Variants in SIK3 observed in about 807,000 individuals in gnomAD.
The protein encoded by SIK3 is SIK family kinase 3, also known as serine/threonine-protein kinase SIK3.
Under a neutral mutation model 144.2 loss-of-function variants are expected in SIK3, and 28 were observed. The observed-to-expected ratio is 0.19, with a 90% CI of 0.14 to 0.27. The LOEUF (loss-of-function observed/expected upper bound fraction) is 0.27, where lower values mean the gene tolerates loss of function less well. Ranked by LOEUF, SIK3 falls within the 10% of genes least tolerant of loss-of-function variation. The probability of loss-of-function intolerance (pLI) is 1.00; values close to 1 mark genes in which losing one functional copy is unlikely to be tolerated. For missense variants in SIK3, 1,319 were observed against 1,776.0 expected (o/e 0.74, Z 4.62); for synonymous variants, 686 against 676.3 (o/e 1.01, Z -0.22).
intron 1 of SIK3, among the ~76,000 whole-genome samples, chr11:116,960,534 CAAAACAAAACAAAA>C (rs1479377051): frequency 6.6e-6 from 1 of 151,920 alleles, no homozygotes; most frequent in African/African-American, 2.4e-5. Context: ...AACAAAAAAA[CAAAACAAAACAAAA>C]AAACCAAAGT....
intron 4 of SIK3, among the ~76,000 whole-genome samples, chr11:116,918,954 A>G (rs1403205774): frequency 6.6e-6 from 1 of 152,206 alleles, no homozygotes; most frequent in African/African-American, 2.4e-5. Context: ...ATTTCAGGGC[A>G]AGAACACAGG....
rs117459305 is a variant in SIK3, at chr11:116,929,357, A to C, written c.455-1977T>G. Among the ~76,000 whole-genome samples the C allele has an allele frequency of 5.7e-3, 864 of 152,332 alleles. 15 individuals carry two copies. The highest frequency in any genetic ancestry group is 0.051 in the East Asian group (263 of 5,190). On this transcript the variant is annotated intron_variant, in intron 3 of 24. Coordinates refer to ENST00000445177, the MANE Select transcript of SIK3 (RefSeq NM_001366686.3). Reference sequence around the variant, plus strand: ...AGCTCATTTGGCCAAGCTACCCATTAATTAAAATGCCCAAGAGACATTTGT... The same window carrying C: ...AGCTCATTTGGCCAAGCTACCCATTCATTAAAATGCCCAAGAGACATTTGT...
chr11:116,902,326 T>C (rs1470829219), intron 4 of SIK3, among the ~76,000 whole-genome samples: 1 of 152,226 alleles, frequency 6.6e-6, no homozygotes, highest in Non-Finnish European at 1.5e-5. Context: ...GCATGTTACT[T>C]TGCCAGGGAG....
intron 10 of SIK3, 36 bp from the exon 11 acceptor site, chr11:116,875,303 AGAAG>A (rs1944189552): frequency 6.2e-7 from 1 of 1,613,254 alleles, no homozygotes; most frequent in Non-Finnish European, 8.5e-7. Flanking sequence ...GTTAGAAATC[AGAAG>A]GAAGGGAAGC....
intron 1 of SIK3, among the ~76,000 whole-genome samples, chr11:116,974,937 AGTTT>A (rs766288300): frequency 6.6e-6 from 1 of 152,182 alleles, no homozygotes; most frequent in Non-Finnish European, 1.5e-5. Flanking sequence ...ACTTAGCCTA[AGTTT>A]TCTGGTAAAA....
intron 1 of SIK3, among the ~76,000 whole-genome samples, chr11:117,007,067 AAC>A (rs1168227692): frequency 6.6e-6 from 1 of 152,220 alleles, no homozygotes; most frequent in Non-Finnish European, 1.5e-5. Flanking sequence ...TGCTTACAGC[AAC>A]AGTTTTATAT....
chr11:116,965,775 AT>A (rs1429181649), intron 1 of SIK3, among the ~76,000 whole-genome samples: 35 of 52,170 alleles, frequency 6.7e-4, no homozygotes, highest in African/African-American at 2.6e-3. Context: ...ATATATATAT[AT>A]ATATATAAAT....
Position 116,956,335 on chromosome 11 carries a change from C to CA in SIK3, c.390+612dup, listed in dbSNP as rs67306337. Among the ~76,000 whole-genome samples, 731 of 128,106 alleles carry CA rather than the reference C, an allele frequency of 5.7e-3. 1 individual carries two copies. The highest frequency in any genetic ancestry group is 0.057 in the Middle Eastern group (14 of 246). The allele number at this position is 128,106 out of a possible 152,430, so 84.0% of individuals were successfully genotyped here. A position where few individuals can be genotyped will look rare whatever the true frequency, so the allele number is the denominator to read the frequency against. On this transcript the variant is annotated intron_variant, in intron 2 of 24. Transcript: ENST00000445177. ...AAATATGCATGTTTCTTGGGAAGAC[C>CA]AAAAAAAAAAAAAACTAAAATAGAA...
At chr11:116,847,417 G>C in intron 23 of SIK3, 59 bp downstream of exon 23, 1 of 1,606,432 alleles carries the variant, frequency 6.2e-7, no homozygotes, top group African/African-American at 1.3e-5. Flanking sequence ...AGTTACGGAA[G>C]ATGGAGGGAG....
intron 1 of SIK3, among the ~76,000 whole-genome samples, chr11:117,079,098 T>C (rs1368555088): frequency 6.6e-6 from 1 of 152,204 alleles, no homozygotes; most frequent in Non-Finnish European, 1.5e-5. Context: ...TAAATGAATG[T>C]TTCCAAAGGT....
intron 4 of SIK3, among the ~76,000 whole-genome samples, chr11:116,924,274 C>A (rs1206470042): frequency 1.4e-5 from 2 of 144,946 alleles, no homozygotes; most frequent in Non-Finnish European, 3.0e-5. Flanking sequence ...CCAGCCTGGG[C>A]AACAGTGTGA....
At chr11:116,894,285 G>A (rs2134738737) in intron 6 of SIK3, among the ~76,000 whole-genome samples, 2 of 152,272 alleles carry the variant, frequency 1.3e-5, no homozygotes, top group South Asian at 4.1e-4. Flanking sequence ...TAAAAAGTGA[G>A]CTCACCTCAT....
intron 1 of SIK3, among the ~76,000 whole-genome samples, chr11:117,076,435 A>G (rs1954539050): frequency 6.6e-6 from 1 of 152,206 alleles, no homozygotes. Context: ...GCAGAAAGGC[A>G]TTCTTCCGAA....
intron 1 of SIK3, among the ~76,000 whole-genome samples, chr11:116,997,245 G>T (rs1041962102): frequency 6.6e-6 from 1 of 152,160 alleles, no homozygotes; most frequent in Admixed American, 6.5e-5. Flanking sequence ...GCACAAGCAG[G>T]TGTGCTGAGC....
At chr11:116,990,459 A>G (rs1220296165) in intron 1 of SIK3, among the ~76,000 whole-genome samples, 1 of 152,206 alleles carries the variant, frequency 6.6e-6, no homozygotes, top group Non-Finnish European at 1.5e-5. Flanking sequence ...TTAACGAGTC[A>G]AGCAACAAAT....
chr11:117,012,203 G>A (rs1285967732), intron 1 of SIK3, among the ~76,000 whole-genome samples: 1 of 152,086 alleles, frequency 6.6e-6, no homozygotes, highest in African/African-American at 2.4e-5. Context: ...CGAATTCCCG[G>A]ACTCAAGCAA....
At chr11:116,928,560 T>C (rs1208540648) in intron 3 of SIK3, among the ~76,000 whole-genome samples, 1 of 152,180 alleles carries the variant, frequency 6.6e-6, no homozygotes, top group Non-Finnish European at 1.5e-5. Flanking sequence ...GTCAGGTGTA[T>C]CTTTCCTTCA....
rs146418192 is a variant in SIK3, at chr11:116,891,099, G to C, written c.865+5154C>G. ...AGGAGGGAGGATCGCTTAAGGTTAG[G>C]AATTCAAGACCAGCTTGGTCAACAG... On this transcript the variant is annotated intron_variant, in intron 6 of 24. Transcript: ENST00000445177. Among the ~76,000 whole-genome samples the C allele has an allele frequency of 7.0e-3, 1,060 of 152,266 alleles. 9 individuals are homozygous for C. The highest frequency in any genetic ancestry group is 0.012 in the Non-Finnish European group (790 of 68,012).
intron 4 of SIK3, among the ~76,000 whole-genome samples, chr11:116,920,261 C>T (rs1383382010): frequency 1.4e-4 from 21 of 151,744 alleles, no homozygotes. Flanking sequence ...ATCCTAACCA[C>T]GTGCAACTGG....
Sources: allele counts gnomAD v4.1 joint callset (sites outside exome capture counted in the v4.1 genomes callset), GRCh38; gene constraint gnomAD v4.1.1; transcripts MANE v1.5; gene names NCBI Gene and HGNC (gene_info 2026-07-23, HGNC 2026-07-21).